Variants in SENP5 observed in about 807,000 individuals in gnomAD.
SENP5 encodes sentrin-specific protease 5.
In SENP5, 21 loss-of-function variants were observed where a neutral mutation model predicts 74.2. That is an observed-to-expected ratio of 0.28 (90% CI 0.20 to 0.41). The LOEUF (loss-of-function observed/expected upper bound fraction) is 0.41, where lower values mean the gene tolerates loss of function less well. Ranked by LOEUF, SENP5 falls within the 10% of genes least tolerant of loss-of-function variation. The pLI is 1.00. For missense variants in SENP5, 717 were observed against 889.1 expected (o/e 0.81, Z 2.46); for synonymous variants, 311 against 312.7 (o/e 0.99, Z 0.06).
intron 6 of SENP5, among the ~76,000 whole-genome samples, chr3:196,910,836 C>CA (rs1186442884): frequency 6.6e-6 from 1 of 152,152 alleles, no homozygotes; most frequent in Non-Finnish European, 1.5e-5. Context: ...TACAAGGCTA[C>CA]AGTAGCCAAA....
chr3:196,931,208 G>T lies in SENP5; in HGVS notation c.*285G>T. 8.4e-6 allele frequency: 2 copies of T among 238,928 alleles called. No homozygotes were observed. The highest frequency in any genetic ancestry group is 1.6e-5 in the Non-Finnish European group (2 of 123,404). 14.8% of individuals were successfully genotyped at this position (238,928 alleles called of 1,614,324 possible). A position where few individuals can be genotyped will look rare whatever the true frequency, so the allele number is the denominator to read the frequency against. On this transcript the variant is annotated 3_prime_UTR_variant, in exon 10 of 10. Transcript: ENST00000323460. ...ATATAGACAGAGCATGCAGTGAAGA[G>T]TATTAAAAAAAAAAGCTTAGTAGAT...
chr3:196,896,848 CTGT>C (rs1714462293), intron 2 of SENP5, among the ~76,000 whole-genome samples: 1 of 152,132 alleles, frequency 6.6e-6, no homozygotes, highest in African/African-American at 2.4e-5. Flanking sequence ...TATTTTTTAA[CTGT>C]TGTTTTACTT....
intron 2 of SENP5, among the ~76,000 whole-genome samples, chr3:196,888,425 A>G (rs1258730310): frequency 1.3e-5 from 2 of 152,004 alleles, no homozygotes; most frequent in Non-Finnish European, 2.9e-5. Context: ...TCTACTAAAA[A>G]TACAAAAATC....
At chr3:196,895,553 G>A (rs770543052) in intron 2 of SENP5, among the ~76,000 whole-genome samples, 7 of 151,622 alleles carry the variant, frequency 4.6e-5, no homozygotes, top group East Asian at 1.9e-4. Context: ...GCAGGGTCTC[G>A]TTCTGTTGCC....
At chr3:196,930,789 T>A (rs1199129581) in intron 9 of SENP5, 24 bp from the exon 10 acceptor site, 1 of 1,382,992 alleles carries the variant, frequency 7.2e-7, no homozygotes, top group South Asian at 1.2e-5. Context: ...CACTGAAGTG[T>A]TTCTGGGACC....
intron 1 of SENP5, among the ~76,000 whole-genome samples, chr3:196,872,260 C>G (rs1460021328): frequency 6.6e-6 from 1 of 152,226 alleles, no homozygotes; most frequent in Non-Finnish European, 1.5e-5. Flanking sequence ...TATGAACATA[C>G]AGCAGCATGG....
chr3:196,893,893 G>T (rs532883708), intron 2 of SENP5, among the ~76,000 whole-genome samples: 174 of 142,136 alleles, frequency 1.2e-3, no homozygotes, highest in African/African-American at 4.2e-3. Flanking sequence ...CTGGGTGACA[G>T]AGTGAGACTC....
intron 2 of SENP5, among the ~76,000 whole-genome samples, chr3:196,888,114 C>T (rs1324205988): frequency 6.6e-6 from 1 of 152,104 alleles, no homozygotes; most frequent in Non-Finnish European, 1.5e-5. Flanking sequence ...CTAGTTTTTA[C>T]GTCATGCTTT....
intron 6 of SENP5, among the ~76,000 whole-genome samples, chr3:196,918,993 CTAT>C (rs1715503450): frequency 6.6e-6 from 1 of 152,032 alleles, no homozygotes; most frequent in African/African-American, 2.4e-5. Context: ...ATCTATCTAT[CTAT>C]CTGTCTCCAC....
At position 196,890,934 on chromosome 3, in the gene SENP5, G is replaced by A. The variant is rs755084576; in HGVS notation, c.1513+4240G>A. Among the ~76,000 whole-genome samples the A allele has an allele frequency of 3.9e-5, 6 of 152,116 alleles. No homozygotes were observed. In the East Asian group the frequency reaches 7.7e-4, roughly 19 times the overall value. On this transcript the variant is annotated intron_variant, in intron 2 of 9. Coordinates refer to ENST00000323460, the MANE Select transcript of SENP5 (RefSeq NM_152699.5). ...GGGAAAAGGGATAGATTCCTGTGCC[G>A]CAAAACATTCCAGATGGATTAAAAG...
In SENP5 at chr3:196,886,095, C is replaced by T. The variant is rs780403303; in HGVS notation, c.914C>T (p.Pro305Leu). ...EPKDPSCRHQ[P>L]YFPDMDSSAV... ...AAAGACCCTTCTTGTCGGCATCAGC[C>T]GTACTTTCCAGATATGGACAGCAGT... is the stretch of plus-strand genomic sequence containing the variant. Residue 305 changes from proline (P) to leucine (L), a missense_variant, in exon 2 of 10, where the codon CCG (proline) becomes CTG (leucine). This residue lies in a region of SENP5 where 567 missense variants were observed against 577.4 expected (regional missense o/e 0.98). Transcript: ENST00000323460. 47 of 1,614,086 alleles carry T rather than the reference C, an allele frequency of 2.9e-5. No individual in the cohort carries two copies. Among genetic ancestry groups the T allele is most frequent in the Non-Finnish European group, 3.6e-5 (42 of 1,180,034 alleles).
intron 2 of SENP5, among the ~76,000 whole-genome samples, chr3:196,890,432 A>G (rs937681487): frequency 2.6e-5 from 4 of 152,198 alleles, no homozygotes; most frequent in African/African-American, 9.7e-5. Context: ...GGGGAGATTT[A>G]CTTGTTGCAG....
rs529329681 is a variant in SENP5, at chr3:196,929,730, C to G, written c.2157+47C>G. On this transcript the variant is annotated intron_variant, in intron 9 of 9. Transcript: ENST00000323460. ...GGAACTTACAATGTGTGAATTGAGTCTGTTGGGTTGAGAGGGGAGAGATGG... is the reference window on the plus strand; with the variant it reads ...GGAACTTACAATGTGTGAATTGAGTGTGTTGGGTTGAGAGGGGAGAGATGG... The G allele has an allele frequency of 5.3e-5, 72 of 1,357,502 alleles. No homozygotes were observed. The South Asian group carries it at 6.6e-4, about 12-fold the overall frequency. The allele number at this position is 1,357,502 out of a possible 1,614,324, so 84.1% of individuals were successfully genotyped here. A position where few individuals can be genotyped will look rare whatever the true frequency, so the allele number is the denominator to read the frequency against.
intron 6 of SENP5, among the ~76,000 whole-genome samples, chr3:196,907,435 G>A (rs377365295): frequency 7.1e-5 from 10 of 141,392 alleles, no homozygotes; most frequent in Non-Finnish European, 1.5e-4. Context: ...CAGCCTGGGC[G>A]ACAGAGAGAC....
At chr3:196,907,311 A>G (rs1714942538) in intron 6 of SENP5, among the ~76,000 whole-genome samples, 1 of 152,002 alleles carries the variant, frequency 6.6e-6, no homozygotes, top group South Asian at 2.1e-4. Flanking sequence ...ATCTCTATTA[A>G]AAATACAAAA....
Position 196,931,144 on chromosome 3 carries a change from G to A in SENP5, c.*221G>A. The stretch of plus-strand genomic sequence containing the variant: ...TTCATTTTTAATTTTATGGTTCTGT[G>A]CGTCCCCCATATTTAATATTTATTA... On this transcript the variant is annotated 3_prime_UTR_variant, in exon 10 of 10. Transcript: ENST00000323460. 1 of 505,900 alleles carries A rather than the reference G, an allele frequency of 2.0e-6. No homozygotes were observed. Among genetic ancestry groups the A allele is most frequent in the Non-Finnish European group, 3.5e-6 (1 of 282,334 alleles). 31.3% of individuals were successfully genotyped at this position (505,900 alleles called of 1,614,324 possible). A position where few individuals can be genotyped will look rare whatever the true frequency, so the allele number is the denominator to read the frequency against.
intron 6 of SENP5, among the ~76,000 whole-genome samples, chr3:196,922,818 T>C (rs1469346048): frequency 1.3e-5 from 2 of 152,204 alleles, no homozygotes; most frequent in African/African-American, 4.8e-5. Context: ...ATACAGTGTT[T>C]CGCCATGTCA....
At chr3:196,919,529 C>T (rs1320697063) in intron 6 of SENP5, among the ~76,000 whole-genome samples, 12 of 152,042 alleles carry the variant, frequency 7.9e-5, no homozygotes, top group African/African-American at 2.7e-4. Flanking sequence ...GGCGGTGGCT[C>T]ACGCCTGTAA....
chr3:196,871,803 C>G (rs980988933), intron 1 of SENP5, among the ~76,000 whole-genome samples: 1 of 148,398 alleles, frequency 6.7e-6, no homozygotes, highest in Non-Finnish European at 1.5e-5. Flanking sequence ...TGCAGTGAGT[C>G]GAGATCAGGT....
Sources: allele counts gnomAD v4.1 joint callset (sites outside exome capture counted in the v4.1 genomes callset), GRCh38; gene constraint gnomAD v4.1.1; regional missense constraint gnomAD v4.1.1; transcripts MANE v1.5; gene names NCBI Gene and HGNC (gene_info 2026-07-23, HGNC 2026-07-21).